EXT1: variants seen among roughly 807,000 people sequenced by gnomAD.
The protein encoded by EXT1 is exostosin-1.
EXT1 carries 20 observed loss-of-function variants against 82.5 expected under a neutral mutation model. The observed-to-expected ratio is 0.24, with a 90% CI of 0.17 to 0.35. The LOEUF (loss-of-function observed/expected upper bound fraction) is 0.35, where lower values mean the gene tolerates loss of function less well. Ranked by LOEUF, EXT1 falls within the 10% of genes least tolerant of loss-of-function variation. The pLI is 1.00. For synonymous variants in EXT1, 348 were observed against 350.8 expected, an observed-to-expected ratio of 0.99 and a Z score of 0.09; for missense variants, 757 against 936.5, an observed-to-expected ratio of 0.81 and a Z score of 2.50.
chr8:117,944,624 C>T (rs1376109412), intron 1 of EXT1, among the ~76,000 whole-genome samples: 1 of 152,128 alleles, frequency 6.6e-6, no homozygotes, highest in African/African-American at 2.4e-5. Flanking sequence ...GACACATACA[C>T]AATAGGTTTT....
intron 1 of EXT1, among the ~76,000 whole-genome samples, chr8:117,894,944 G>T (rs1327263146): frequency 1.3e-5 from 2 of 152,230 alleles, no homozygotes; most frequent in Non-Finnish European, 2.9e-5. Flanking sequence ...GTGGAAATGT[G>T]TAGATATGAG....
At chr8:117,893,998 A>G (rs553854772) in intron 1 of EXT1, among the ~76,000 whole-genome samples, 1 of 152,186 alleles carries the variant, frequency 6.6e-6, no homozygotes, top group Admixed American at 6.5e-5. Flanking sequence ...TTTAGCAAGA[A>G]TCTTCCTTAC....
intron 1 of EXT1, among the ~76,000 whole-genome samples, chr8:118,052,868 A>G (rs1316316377): frequency 1.3e-5 from 2 of 152,216 alleles, no homozygotes; most frequent in African/African-American, 4.8e-5. Context: ...CCCAAGGTAC[A>G]TGGCTCCAGG....
chr8:117,843,929 G>A (rs1024050683), intron 1 of EXT1, among the ~76,000 whole-genome samples: 3 of 151,956 alleles, frequency 2.0e-5, no homozygotes, highest in Non-Finnish European at 2.9e-5. Context: ...CATGTCTTAT[G>A]AAGCCAGGTC....
intron 1 of EXT1, among the ~76,000 whole-genome samples, chr8:117,849,759 A>G (rs1359424226): frequency 6.6e-6 from 1 of 152,230 alleles, no homozygotes; most frequent in Non-Finnish European, 1.5e-5. Flanking sequence ...GCATTTATGA[A>G]TATTAGAAAG....
intron 1 of EXT1, among the ~76,000 whole-genome samples, chr8:118,017,358 A>G (rs1816022194): frequency 6.6e-6 from 1 of 151,942 alleles, no homozygotes; most frequent in Non-Finnish European, 1.5e-5. Flanking sequence ...CTCTTGCAAA[A>G]CCTCAGGTTT....
chr8:117,835,121 T>C (rs1270778613), intron 3 of EXT1, among the ~76,000 whole-genome samples: 1 of 152,070 alleles, frequency 6.6e-6, no homozygotes, highest in East Asian at 1.9e-4. Flanking sequence ...TATGAAACAG[T>C]AGGGTAGAAT....
intron 1 of EXT1, among the ~76,000 whole-genome samples, chr8:117,981,467 C>T (rs1815201701): frequency 6.6e-6 from 1 of 152,202 alleles, no homozygotes. Context: ...AATTACAACA[C>T]TTCTTATCTA....
intron 8 of EXT1, among the ~76,000 whole-genome samples, chr8:117,811,313 G>C (rs1403858839): frequency 3.9e-5 from 6 of 152,152 alleles, no homozygotes; most frequent in African/African-American, 1.4e-4. Flanking sequence ...ATGCAAGCCA[G>C]AGTGACCTGT....
At chr8:117,968,453 T>G (rs558116196) in intron 1 of EXT1, among the ~76,000 whole-genome samples, 1 of 151,912 alleles carries the variant, frequency 6.6e-6, no homozygotes, top group African/African-American at 2.4e-5. Flanking sequence ...GCAATAAGTA[T>G]CACAGCTGAG....
intron 1 of EXT1, among the ~76,000 whole-genome samples, chr8:118,084,493 G>C (rs1056848196): frequency 2.0e-5 from 3 of 152,186 alleles, no homozygotes; most frequent in Non-Finnish European, 4.4e-5. Context: ...CAACAACCAA[G>C]CAAGAAACCA....
intron 1 of EXT1, among the ~76,000 whole-genome samples, chr8:117,939,951 T>C (rs903031377): frequency 6.6e-6 from 1 of 152,236 alleles, no homozygotes. Context: ...TATTGGATTG[T>C]GACTGTAACT....
chr8:117,993,888 G>A (rs754004385), intron 1 of EXT1, among the ~76,000 whole-genome samples: 1 of 152,194 alleles, frequency 6.6e-6, no homozygotes, highest in Non-Finnish European at 1.5e-5. Context: ...CCTTGCTCAA[G>A]TCCCCATCCC....
At chr8:117,942,409 T>C (rs1814301162) in intron 1 of EXT1, among the ~76,000 whole-genome samples, 1 of 152,080 alleles carries the variant, frequency 6.6e-6, no homozygotes, top group South Asian at 2.1e-4. Context: ...TAGGAGTAAA[T>C]GATAAGAAAA....
chr8:118,047,095 G>A (rs1816634586), intron 1 of EXT1, among the ~76,000 whole-genome samples: 1 of 152,040 alleles, frequency 6.6e-6, no homozygotes, highest in African/African-American at 2.4e-5. Flanking sequence ...TTCTCAGTCT[G>A]GCTGTGCATT....
intron 1 of EXT1, among the ~76,000 whole-genome samples, chr8:117,951,834 A>G (rs536356908): frequency 6.6e-6 from 1 of 152,256 alleles, no homozygotes; most frequent in Non-Finnish European, 1.5e-5. Flanking sequence ...TTAGGAAAAA[A>G]AAATCAACAG....
chr8:118,072,555 T>C lies in EXT1; in HGVS notation c.962+37530A>G, dbSNP rs377065120. ...CCTGTGACCAGACCGTCAGTACTTT[T>C]GACTTAACATCAATTAATATTTGCA... is the stretch of plus-strand genomic sequence containing the variant. On this transcript the variant is annotated intron_variant, in intron 1 of 10. Transcript: ENST00000378204. Among the ~76,000 whole-genome samples the C allele has an allele frequency of 5.3e-5, 8 of 152,368 alleles. 1 individual carries two copies. Among genetic ancestry groups the C allele is most frequent in the Admixed American group, 2.6e-4 (4 of 15,308 alleles).
At chr8:117,861,716 G>T (rs1303480868) in intron 1 of EXT1, among the ~76,000 whole-genome samples, 1 of 143,594 alleles carries the variant, frequency 7.0e-6, no homozygotes, top group East Asian at 1.9e-4. Flanking sequence ...GGCTGGCCTT[G>T]AACTCCTGAC....
chr8:117,935,489 T>A (rs562898339), intron 1 of EXT1, among the ~76,000 whole-genome samples: 1 of 152,110 alleles, frequency 6.6e-6, no homozygotes, highest in South Asian at 2.1e-4. Context: ...TACACAGGTA[T>A]GCACCAACAT....
Sources: allele counts gnomAD v4.1 joint callset (sites outside exome capture counted in the v4.1 genomes callset), GRCh38; gene constraint gnomAD v4.1.1; transcripts MANE v1.5; gene names NCBI Gene and HGNC (gene_info 2026-07-23, HGNC 2026-07-21).